SLC25A26: variants seen among roughly 807,000 people sequenced by gnomAD.
SLC25A26 encodes solute carrier family 25 member 26.
SLC25A26 carries 36 observed loss-of-function variants against 37.8 expected under a neutral mutation model. That is an observed-to-expected ratio of 0.95 (90% CI 0.73 to 1.26). The LOEUF is 1.26. SLC25A26 is among the 50% of genes most tolerant of loss of function. The probability of loss-of-function intolerance (pLI) is 0.00; values close to 1 mark genes in which losing one functional copy is unlikely to be tolerated. For synonymous variants in SLC25A26, 129 were observed against 122.5 expected (o/e 1.05, Z -0.35); for missense variants, 390 against 331.1 (o/e 1.18, Z -1.38).
At chr3:66,257,508 T>C (rs1307871514) in intron 3 of SLC25A26, among the ~76,000 whole-genome samples, 1 of 152,120 alleles carries the variant, frequency 6.6e-6, no homozygotes, top group African/African-American at 2.4e-5. Flanking sequence ...CCAGGTTTGA[T>C]GCAGGAGTGA....
In SLC25A26 at chr3:66,187,422, C is replaced by T. The variant is rs979306755; in HGVS notation, c.-353-33320C>T. Among the ~76,000 whole-genome samples the T allele has an allele frequency of 7.2e-5, 11 of 152,214 alleles. 1 individual carries two copies. The South Asian group carries it at 2.1e-3, about 29-fold the overall frequency. On this transcript the variant is annotated intron_variant, in intron 1 of 10. Coordinates refer to the SLC25A26 transcript ENST00000676754. ...CACCTAACTCTCATCTTTACCCTTA[C>T]TCGGATTTGGCCATCACCCTGCATA...
intron 1 of SLC25A26, among the ~76,000 whole-genome samples, chr3:66,191,969 C>T (rs1445908476): frequency 6.6e-6 from 1 of 151,752 alleles, no homozygotes; most frequent in Non-Finnish European, 1.5e-5. Flanking sequence ...GAAATGGGGC[C>T]TCTAGGTCCT....
chr3:66,280,713 T>C (rs2074307611), intron 5 of SLC25A26, among the ~76,000 whole-genome samples: 1 of 152,132 alleles, frequency 6.6e-6, no homozygotes, highest in Admixed American at 6.5e-5. Flanking sequence ...TTACAATTTA[T>C]AGAAAAGGTA....
chr3:66,151,266 A>G (rs1245639696), intron 1 of SLC25A26, among the ~76,000 whole-genome samples: 1 of 151,764 alleles, frequency 6.6e-6, no homozygotes, highest in African/African-American at 2.4e-5. Context: ...TCTGCCTACC[A>G]CCTCCAATAA....
chr3:66,154,826 A>G (rs1179663252), intron 1 of SLC25A26, among the ~76,000 whole-genome samples: 3 of 152,178 alleles, frequency 2.0e-5, no homozygotes, highest in African/African-American at 7.2e-5. Flanking sequence ...GGCGAGGCCT[A>G]GTTTTACTAG....
chr3:66,222,067 G>T (rs1056810660), intron 1 of SLC25A26, among the ~76,000 whole-genome samples: 2 of 152,056 alleles, frequency 1.3e-5, no homozygotes, highest in Admixed American at 6.5e-5. Context: ...GGTGTTAGGG[G>T]AATATATGGA....
chr3:66,301,971 C>A (rs1226156390), intron 5 of SLC25A26, among the ~76,000 whole-genome samples: 2 of 152,264 alleles, frequency 1.3e-5, no homozygotes, highest in East Asian at 3.9e-4. Context: ...TGTGTTCCTG[C>A]ATATGAAGTG....
chr3:66,290,352 T>A (rs564246121), intron 5 of SLC25A26, among the ~76,000 whole-genome samples: 9 of 152,314 alleles, frequency 5.9e-5, no homozygotes, highest in African/African-American at 2.2e-4. Flanking sequence ...CAATACTCTG[T>A]TGAATAGGAG....
upstream of SLC25A26, among the ~76,000 whole-genome samples, chr3:66,216,336 A>G (rs1387011255): frequency 6.6e-6 from 1 of 152,108 alleles, no homozygotes; most frequent in Non-Finnish European, 1.5e-5. Context: ...ACATGGTGAA[A>G]CCCCATCTCT....
intron 1 of SLC25A26, among the ~76,000 whole-genome samples, chr3:66,177,802 G>A (rs1308185044): frequency 2.0e-5 from 3 of 152,190 alleles, no homozygotes; most frequent in African/African-American, 2.4e-5. Flanking sequence ...TCTACTATGC[G>A]CTGGAATTTT....
At chr3:66,196,422 G>A (rs927155620) in intron 1 of SLC25A26, among the ~76,000 whole-genome samples, 15 of 152,142 alleles carry the variant, frequency 9.9e-5, no homozygotes, top group African/African-American at 3.6e-4. Flanking sequence ...ACACCACTGG[G>A]AACTACAGGG....
intron 1 of SLC25A26, among the ~76,000 whole-genome samples, chr3:66,163,994 G>A (rs1028987612): frequency 4.6e-5 from 7 of 152,160 alleles, no homozygotes; most frequent in African/African-American, 7.2e-5. Context: ...GTACAGGGAA[G>A]CCCCTATAGT....
chr3:66,293,754 A>T (rs920215369), intron 5 of SLC25A26, among the ~76,000 whole-genome samples: 2 of 152,166 alleles, frequency 1.3e-5, no homozygotes, highest in Non-Finnish European at 2.9e-5. Flanking sequence ...TATTCATGGT[A>T]TATATGTACC....
chr3:66,180,352 G>T (rs2070677706), intron 1 of SLC25A26, among the ~76,000 whole-genome samples: 1 of 152,140 alleles, frequency 6.6e-6, no homozygotes, highest in African/African-American at 2.4e-5. Flanking sequence ...GAAATAATAA[G>T]TTTCTAATGG....
chr3:66,372,141 G>A (rs559543240), intron 9 of SLC25A26, among the ~76,000 whole-genome samples: 8 of 152,306 alleles, frequency 5.3e-5, no homozygotes, highest in Admixed American at 3.9e-4. Flanking sequence ...TAGCAATTGG[G>A]CTACATACAT....
intron 2 of SLC25A26, 70 bp from the exon 3 acceptor site, chr3:66,243,133 G>T: frequency 1.4e-6 from 1 of 722,512 alleles, no homozygotes. Context: ...TACTTTTTGA[G>T]AAACATGTTT....
chr3:66,233,277 C>CT (rs1227392472), intron 1 of SLC25A26, among the ~76,000 whole-genome samples: 1 of 152,202 alleles, frequency 6.6e-6, no homozygotes, highest in Non-Finnish European at 1.5e-5. Context: ...TCTGCCAACA[C>CT]TTCATACGTT....
intron 1 of SLC25A26, among the ~76,000 whole-genome samples, chr3:66,174,306 C>T (rs540983364): frequency 6.6e-6 from 1 of 152,216 alleles, no homozygotes; most frequent in South Asian, 2.1e-4. Flanking sequence ...CTTAGAACAC[C>T]CATATCCCCC....
chr3:66,304,355 C>A (rs2075157615), intron 5 of SLC25A26: 1 of 439,486 alleles, frequency 2.3e-6, no homozygotes, highest in Non-Finnish European at 4.5e-6. Flanking sequence ...CATACTTTTT[C>A]TTATGTCTCA....
Sources: allele counts gnomAD v4.1 joint callset (sites outside exome capture counted in the v4.1 genomes callset), GRCh38; gene constraint gnomAD v4.1.1; transcripts MANE v1.5; gene names NCBI Gene and HGNC (gene_info 2026-07-23, HGNC 2026-07-21).